NCAM2: variants seen among roughly 807,000 people sequenced by gnomAD.
NCAM2 encodes N-CAM-2.
A neutral mutation model predicts 98.1 loss-of-function variants in NCAM2; 30 were observed. The ratio of observed to expected loss-of-function variants is 0.31; its 90% CI spans 0.23 to 0.41. NCAM2 has a LOEUF of 0.41. Among genes scored for constraint, NCAM2 ranks in the 10% least tolerant of loss-of-function variants. The pLI, the probability that NCAM2 is intolerant of heterozygous loss-of-function variation, is 1.00. For synonymous variants in NCAM2, 368 were observed against 342.4 expected (o/e 1.07, Z -0.83); for missense variants, 867 against 1,005.8 (o/e 0.86, Z 1.87).
chr21:21,472,435 A>G (rs1324216960), intron 14 of NCAM2, among the ~76,000 whole-genome samples: 1 of 152,050 alleles, frequency 6.6e-6, no homozygotes, highest in Non-Finnish European at 1.5e-5. Context: ...GTACATGGAA[A>G]TTTATTTAAA....
chr21:21,493,925 A>G (rs1020955226), intron 15 of NCAM2, among the ~76,000 whole-genome samples: 3 of 151,980 alleles, frequency 2.0e-5, no homozygotes, highest in African/African-American at 7.2e-5. Flanking sequence ...GATGCATTAT[A>G]TAATAATAGA....
At chr21:21,331,393 C>T (rs1378571733) in intron 6 of NCAM2, among the ~76,000 whole-genome samples, 1 of 147,896 alleles carries the variant, frequency 6.8e-6, no homozygotes, top group Non-Finnish European at 1.5e-5. Context: ...CTGCCTTGGC[C>T]TCCCAAAGTG....
intron 11 of NCAM2, among the ~76,000 whole-genome samples, chr21:21,420,524 A>G (rs1255847506): frequency 2.0e-5 from 3 of 152,060 alleles, no homozygotes; most frequent in African/African-American, 7.2e-5. Context: ...TCTGTAAAGA[A>G]ATTTTATAAC....
intron 16 of NCAM2, among the ~76,000 whole-genome samples, chr21:21,516,922 T>A (rs140746215): frequency 0.023 from 3,521 of 152,296 alleles, 59 homozygotes; most frequent in Non-Finnish European, 0.037. Context: ...TCTTTCTTTA[T>A]GTATAATTTA....
chr21:21,239,961 C>CTT (rs1414127392), intron 1 of NCAM2, among the ~76,000 whole-genome samples: 1 of 152,040 alleles, frequency 6.6e-6, no homozygotes. Flanking sequence ...TTCTCTTTCT[C>CTT]TGTCTCTCTC....
chr21:21,519,444 C>T (rs868864307), intron 16 of NCAM2, among the ~76,000 whole-genome samples: 6 of 152,072 alleles, frequency 3.9e-5, no homozygotes, highest in Non-Finnish European at 7.4e-5. Flanking sequence ...GTGTCAATCA[C>T]CTGATTGATT....
At chr21:21,312,850 T>G (rs1166195209) in intron 5 of NCAM2, among the ~76,000 whole-genome samples, 1 of 151,892 alleles carries the variant, frequency 6.6e-6, no homozygotes, top group Admixed American at 6.6e-5. Flanking sequence ...GTCTGAACAT[T>G]TCCTTTCAGG....
chr21:21,348,692 A>G (rs1454282180), intron 8 of NCAM2, among the ~76,000 whole-genome samples: 1 of 152,164 alleles, frequency 6.6e-6, no homozygotes, highest in Non-Finnish European at 1.5e-5. Flanking sequence ...ATGATACTAT[A>G]GAGCTATATT....
chr21:21,298,590 G>GAC (rs2073580408), intron 5 of NCAM2, among the ~76,000 whole-genome samples: 1 of 30,370 alleles, frequency 3.3e-5, no homozygotes, highest in African/African-American at 5.8e-5. Context: ...GATAGATACA[G>GAC]ATAGATAGAT....
At chr21:21,250,444 G>A (rs1334468774) in intron 1 of NCAM2, among the ~76,000 whole-genome samples, 1 of 152,094 alleles carries the variant, frequency 6.6e-6, no homozygotes, top group South Asian at 2.1e-4. Flanking sequence ...AGAGCATTTC[G>A]AGGAATGCAT....
rs578191556 is a variant in NCAM2 at position 21,512,912 on chromosome 21, C to T, written c.2282+3857C>T. ...TTCCTGTTGACATGTGGAAATGTTA[C>T]TGATTATTGTACGTTGATTTTTTAT... On this transcript the variant is annotated intron_variant, in intron 16 of 17. Transcript: ENST00000400546. Among the ~76,000 whole-genome samples, 218 of 151,978 alleles carry T rather than the reference C, an allele frequency of 1.4e-3. 4 individuals carry two copies. The highest frequency in any genetic ancestry group is 0.014 in the South Asian group (65 of 4,814).
intron 1 of NCAM2, among the ~76,000 whole-genome samples, chr21:21,099,834 G>A (rs2066202842): frequency 6.6e-6 from 1 of 151,806 alleles, no homozygotes; most frequent in Admixed American, 6.6e-5. Context: ...AACCCACCCT[G>A]CCTGTTATGT....
At chr21:21,433,185 A>G (rs888316659) in intron 12 of NCAM2, among the ~76,000 whole-genome samples, 1 of 152,192 alleles carries the variant, frequency 6.6e-6, no homozygotes, top group Non-Finnish European at 1.5e-5. Flanking sequence ...GAAGTATCAG[A>G]AACATTAATC....
Position 21,542,013 on chromosome 21 carries a change from T to C in NCAM2, c.*4056T>C, listed in dbSNP as rs1329478092. 1 of 151,916 alleles carries C rather than the reference T, an allele frequency of 6.6e-6. No individual in the cohort carries two copies. The highest frequency in any genetic ancestry group is 1.5e-5 in the Non-Finnish European group (1 of 67,842). The allele number at this position is 151,916 out of a possible 1,614,324, so 9.4% of individuals were successfully genotyped here. A position where few individuals can be genotyped will look rare whatever the true frequency, so the allele number is the denominator to read the frequency against. On this transcript the variant is annotated 3_prime_UTR_variant, in exon 18 of 18. Transcript: ENST00000400546. ...CACTCACATTGAAATTGCATATGGA[T>C]GTATCAACATAGGCTAAAATTAAAT...
chr21:21,286,240 TTGTG>T lies in NCAM2; in HGVS notation c.338-28_338-25del. The T allele has an allele frequency of 1.9e-6, 3 of 1,550,908 alleles. No individual in the cohort carries two copies. The South Asian group carries it at 3.5e-5, about 18-fold the overall frequency. ...CAATGATACTTTTGTGATTTGTGAT[TTGTG>T]ATTTGTTTTACTTTGTTGATACAGA... is the stretch of plus-strand genomic sequence containing the variant. On this transcript the variant is annotated intron_variant, in intron 3 of 17. Coordinates refer to ENST00000400546, the MANE Select transcript of NCAM2 (RefSeq NM_004540.5).
At chr21:21,217,211 C>A (rs1471614913) in intron 1 of NCAM2, among the ~76,000 whole-genome samples, 1 of 152,062 alleles carries the variant, frequency 6.6e-6, no homozygotes, top group East Asian at 1.9e-4. Context: ...ACACACCATA[C>A]CACCAGGTCT....
intron 7 of NCAM2, 117 bp downstream of exon 7, chr21:21,335,782 C>A: frequency 1.1e-6 from 1 of 895,662 alleles, no homozygotes; most frequent in Non-Finnish European, 1.5e-6. Flanking sequence ...TTCCTCTTCT[C>A]TGTAATATGT....
chr21:21,380,462 T>C (rs555337151), intron 9 of NCAM2, among the ~76,000 whole-genome samples: 155 of 152,270 alleles, frequency 1.0e-3, no homozygotes, highest in South Asian at 1.9e-3. Context: ...GTCTTAACCA[T>C]TTTGGAAGTC....
At chr21:21,510,012 T>C (rs1050725651) in intron 16 of NCAM2, among the ~76,000 whole-genome samples, 1 of 152,170 alleles carries the variant, frequency 6.6e-6, no homozygotes, top group African/African-American at 2.4e-5. Context: ...TACAAAAGTG[T>C]TGAAAGACTT....
Sources: gnomAD v4.1 joint callset for allele counts (sites outside exome capture counted in the v4.1 genomes callset) on GRCh38, gnomAD v4.1.1 for gene constraint, MANE v1.5 for transcripts, NCBI Gene and HGNC (gene_info 2026-07-23, HGNC 2026-07-21) for gene names.